PKNOX1: variants seen among roughly 807,000 people sequenced by gnomAD.
The protein encoded by PKNOX1 is homeobox protein PKNOX1.
PKNOX1 carries 15 observed loss-of-function variants against 51.9 expected under a neutral mutation model. The ratio of observed to expected loss-of-function variants is 0.29; its 90% CI spans 0.19 to 0.45. The LOEUF (loss-of-function observed/expected upper bound fraction) is 0.45. Among genes scored for constraint, PKNOX1 ranks in the 20% least tolerant of loss-of-function variants. The pLI is 1.00. For synonymous variants in PKNOX1, 219 were observed against 211.1 expected (o/e 1.04, Z -0.32); for missense variants, 462 against 547.5 (o/e 0.84, Z 1.56).
At chr21:43,006,838 T>C (rs1212805443) in intron 2 of PKNOX1, among the ~76,000 whole-genome samples, 2 of 152,254 alleles carry the variant, frequency 1.3e-5, no homozygotes, top group Non-Finnish European at 1.5e-5. Flanking sequence ...CTGCTGCTCA[T>C]GGATAACTAG....
chr21:43,001,788 G>A (rs945050096), intron 1 of PKNOX1, among the ~76,000 whole-genome samples: 5 of 151,936 alleles, frequency 3.3e-5, no homozygotes, highest in Non-Finnish European at 7.4e-5. Context: ...GTGAAACCCC[G>A]TCTCTACTGA....
chr21:43,027,051 A>C (rs757770217), intron 9 of PKNOX1, among the ~76,000 whole-genome samples: 71 of 152,298 alleles, frequency 4.7e-4, no homozygotes, highest in South Asian at 8.3e-4. Flanking sequence ...CACAGTGACA[A>C]ACCAGAGTAG....
At position 42,983,176 on chromosome 21, in the gene PKNOX1, G is replaced by C; in HGVS notation, c.-57+8512G>C. 2.0e-5 allele frequency among the ~76,000 whole-genome samples: 3 copies of C among 152,148 alleles called. No homozygotes were observed. The South Asian group carries it at 6.2e-4, about 32-fold the overall frequency. On this transcript the variant is annotated intron_variant, in intron 1 of 10. Transcript: ENST00000291547. ...AAATTTACCATCTTAACCATTTTCA[G>C]TGTGCAGTTCAGTGGTGGTAAGTTC...
At chr21:43,029,271 T>G (rs1285219418) in intron 10 of PKNOX1, among the ~76,000 whole-genome samples, 1 of 152,086 alleles carries the variant, frequency 6.6e-6, no homozygotes, top group Non-Finnish European at 1.5e-5. Flanking sequence ...CTTCTCTTGT[T>G]TTTGCTTGTT....
chr21:42,975,074 C>T (rs113753774), intron 1 of PKNOX1, among the ~76,000 whole-genome samples: 88 of 141,928 alleles, frequency 6.2e-4, no homozygotes, highest in African/African-American at 2.1e-3. Flanking sequence ...GAGCCCGGCG[C>T]GGGCGGGGCG....
At position 43,031,132 on chromosome 21, in the gene PKNOX1, G is replaced by C. The variant is rs1980249598; in HGVS notation, c.*1031G>C. 6.6e-6 allele frequency: 1 copy of C among 152,656 alleles called. No individual in the cohort carries two copies. Among genetic ancestry groups the C allele is most frequent in the Non-Finnish European group, 1.5e-5 (1 of 68,038 alleles). The allele number at this position is 152,656 out of a possible 1,614,324, so 9.5% of individuals were successfully genotyped here. A position where few individuals can be genotyped will look rare whatever the true frequency, so the allele number is the denominator to read the frequency against. ...GTTGCATGGTCGCTTTACCATGTTA[G>C]CTGTGTATTGTTTTAAAAGTTTTAA... On this transcript the variant is annotated 3_prime_UTR_variant, in exon 11 of 11. Coordinates refer to ENST00000291547, the MANE Select transcript of PKNOX1 (RefSeq NM_004571.5).
chr21:42,987,404 A>AAAAAAAAAAAATATATATAT, intron 1 of PKNOX1, among the ~76,000 whole-genome samples: 1 of 41,410 alleles, frequency 2.4e-5, no homozygotes, highest in African/African-American at 9.3e-5. Context: ...AAAAAAAAAA[A>AAAAAAAAAAAATATATATAT]ATATATATAT....
chr21:43,022,302 G>C (rs954135707), intron 8 of PKNOX1, among the ~76,000 whole-genome samples: 1 of 152,224 alleles, frequency 6.6e-6, no homozygotes, highest in Non-Finnish European at 1.5e-5. Flanking sequence ...GCTGAAGCCT[G>C]TTTGTCCTCA....
intron 1 of PKNOX1, among the ~76,000 whole-genome samples, chr21:42,984,974 CTTTTT>C (rs71195904): frequency 1.7e-5 from 1 of 57,998 alleles, no homozygotes; most frequent in African/African-American, 7.1e-5. Context: ...ATTTTCTTTT[CTTTTT>C]TTTTTTTTTT....
chr21:43,026,832 G>C (rs1421571939), intron 9 of PKNOX1, among the ~76,000 whole-genome samples: 1 of 115,666 alleles, frequency 8.6e-6, no homozygotes, highest in Non-Finnish European at 1.8e-5. Context: ...GGTTGTGGGT[G>C]GCCATGGAGC....
intron 1 of PKNOX1, among the ~76,000 whole-genome samples, chr21:42,975,358 G>C (rs1385983095): frequency 6.6e-6 from 1 of 151,920 alleles, no homozygotes; most frequent in East Asian, 1.9e-4. Context: ...GCCCAGGGCC[G>C]CTCGCTGACG....
At chr21:43,005,470 C>T (rs1382379157) in intron 2 of PKNOX1, among the ~76,000 whole-genome samples, 1 of 150,680 alleles carries the variant, frequency 6.6e-6, no homozygotes. Context: ...GAGGGAGATT[C>T]TGTGATGTAG....
intron 1 of PKNOX1, among the ~76,000 whole-genome samples, chr21:43,002,522 C>T (rs1480307993): frequency 2.6e-5 from 4 of 151,838 alleles, no homozygotes; most frequent in Non-Finnish European, 4.4e-5. Flanking sequence ...AGGGTGAGTC[C>T]CAGCTCAGCC....
At position 43,021,314 on chromosome 21, in the gene PKNOX1, G is replaced by C. The variant is rs764816077; in HGVS notation, c.732G>C (p.Gln244His). Residue 244 changes from glutamine to histidine, a missense_variant, in exon 8 of 11, where the codon CAG becomes CAC. Physicochemically the swap from Gln to His is conservative, Grantham distance 24. Transcript: ENST00000291547. The surrounding 1 kb of genome is among the most constrained non-coding windows in gnomAD (Gnocchi z 4.6). ...IRIQNSQLQL[Q>H]LNQDLSILHQ... is the part of the protein sequence containing the mutation. ...TTCAACTTTAAAAGCTTCAGTTACA[G>C]TTAAACCAAGATCTCAGCATCTTGC... is the stretch of plus-strand genomic sequence containing the variant. 1 of 1,604,878 alleles carries C rather than the reference G, an allele frequency of 6.2e-7. No homozygotes were observed. Among genetic ancestry groups the C allele is most frequent in the East Asian group, 2.2e-5 (1 of 44,616 alleles).
intron 1 of PKNOX1, among the ~76,000 whole-genome samples, chr21:42,979,045 A>AT (rs2059012820): frequency 6.6e-6 from 1 of 152,186 alleles, no homozygotes; most frequent in Non-Finnish European, 1.5e-5. Context: ...GACTACAGGG[A>AT]TGTGCCAGCA....
At chr21:43,025,012 C>T in intron 9 of PKNOX1, 65 bp downstream of exon 9, 1 of 950,840 alleles carries the variant, frequency 1.1e-6, no homozygotes, top group Non-Finnish European at 1.7e-6. Flanking sequence ...ACCCTGGCAC[C>T]AATACATGGT....
At chr21:43,017,033 C>T (rs749163813) in intron 6 of PKNOX1, 26 bp downstream of exon 6, 1 of 1,481,930 alleles carries the variant, frequency 6.7e-7, no homozygotes. Context: ...AATGGACACA[C>T]TCTCCATGAG....
At chr21:42,989,698 C>T (rs1194453746) in intron 1 of PKNOX1, among the ~76,000 whole-genome samples, 1 of 152,114 alleles carries the variant, frequency 6.6e-6, no homozygotes, top group Non-Finnish European at 1.5e-5. Flanking sequence ...GGATTACAGT[C>T]GTGAGCCACC....
Position 43,021,233 on chromosome 21 carries a change from C to A in PKNOX1, c.721-70C>A. On this transcript the variant is annotated intron_variant, in intron 7 of 10. Transcript: ENST00000291547. The surrounding 1 kb of genome is among the most constrained non-coding windows in gnomAD (Gnocchi z 4.6). ...TCCGATCCTTGGCTGTTTTCTCCAC[C>A]TGCAGTTGTAAGTACTTGGATATGT... 3 of 1,286,014 alleles carry A rather than the reference C, an allele frequency of 2.3e-6. No individual in the cohort carries two copies. The highest frequency in any genetic ancestry group is 3.3e-6 in the Non-Finnish European group (3 of 922,562). 79.7% of individuals were successfully genotyped at this position (1,286,014 alleles called of 1,614,324 possible). A position where few individuals can be genotyped will look rare whatever the true frequency, so the allele number is the denominator to read the frequency against.
Sources: allele counts gnomAD v4.1 joint callset (sites outside exome capture counted in the v4.1 genomes callset), GRCh38; gene constraint gnomAD v4.1.1; non-coding constraint Gnocchi (gnomAD v3.1); transcripts MANE v1.5; gene names NCBI Gene and HGNC (gene_info 2026-07-23, HGNC 2026-07-21).